AKAP19: variants seen among roughly 807,000 people sequenced by gnomAD.
AKAP19 encodes the protein A-kinase anchoring protein 19.
At chr2:190,143,393 T>C in the AKAP19 span, among the ~76,000 whole-genome samples, 2 of 151,718 alleles carry the variant, frequency 1.3e-5, 1 homozygote, top group Admixed American at 1.3e-4. Flanking sequence ...ACCTTCAAGC[T>C]CCTAGTCATC....
the AKAP19 span, among the ~76,000 whole-genome samples, chr2:189,880,639 T>C: frequency 6.6e-6 from 1 of 152,236 alleles, no homozygotes; most frequent in South Asian, 2.1e-4. Context: ...TATCTGTAGC[T>C]ATCTGCTTAG....
chr2:189,935,417 T>C, the AKAP19 span, among the ~76,000 whole-genome samples: 1 of 152,064 alleles, frequency 6.6e-6, no homozygotes, highest in Non-Finnish European at 1.5e-5. Context: ...TTAAATATTT[T>C]CTTCATTTTG....
the AKAP19 span, chr2:189,923,769 G>A: frequency 1.9e-5 from 31 of 1,613,370 alleles, no homozygotes; most frequent in Non-Finnish European, 2.5e-5. Context: ...CCCTCGAAAC[G>A]TCAGCGTGTA....
the AKAP19 span, among the ~76,000 whole-genome samples, chr2:189,971,634 CT>C: frequency 6.6e-6 from 1 of 152,162 alleles, no homozygotes; most frequent in South Asian, 2.1e-4. Context: ...TCCACATCCT[CT>C]CCAGCACCTG....
the AKAP19 span, among the ~76,000 whole-genome samples, chr2:190,175,257 A>G: frequency 5.3e-5 from 8 of 152,346 alleles, no homozygotes; most frequent in South Asian, 8.3e-4. Context: ...CAGATCTTGT[A>G]TAGGAAGATG....
chr2:190,056,563 T>G, the AKAP19 span: 13 of 152,524 alleles, frequency 8.5e-5, no homozygotes, highest in Non-Finnish European at 1.6e-4. Context: ...CTTCTTACAT[T>G]AAAGAAAATC....
At chr2:190,109,696 C>A in the AKAP19 span, among the ~76,000 whole-genome samples, 1 of 152,180 alleles carries the variant, frequency 6.6e-6, no homozygotes, top group Admixed American at 6.5e-5. Flanking sequence ...TCGCTATTGC[C>A]TATCTCAGGA....
chr2:190,146,613 C>T, the AKAP19 span, among the ~76,000 whole-genome samples: 1 of 152,222 alleles, frequency 6.6e-6, no homozygotes, highest in African/African-American at 2.4e-5. Context: ...TTTACATTCC[C>T]ATCAGCAATG....
chr2:189,941,312 A>T, the AKAP19 span, among the ~76,000 whole-genome samples: 1 of 152,216 alleles, frequency 6.6e-6, no homozygotes. Flanking sequence ...AATTAAATAC[A>T]CAGACAAACT....
chr2:189,913,969 A>G, the AKAP19 span, among the ~76,000 whole-genome samples: 29 of 152,218 alleles, frequency 1.9e-4, 1 homozygote, highest in Admixed American at 1.5e-3. Context: ...AGAATATTCC[A>G]TACGGAAATG....
At chr2:190,010,668 A>G in the AKAP19 span, among the ~76,000 whole-genome samples, 3 of 152,284 alleles carry the variant, frequency 2.0e-5, no homozygotes, top group African/African-American at 4.8e-5. Context: ...TCAGTCCTCT[A>G]TTGTCACAGA....
the AKAP19 span, among the ~76,000 whole-genome samples, chr2:190,045,069 A>G: frequency 6.6e-6 from 1 of 152,174 alleles, no homozygotes; most frequent in African/African-American, 2.4e-5. Context: ...TCACTCAAAC[A>G]GCAAACATGG....
chr2:190,005,587 GCTCTGTTGC>G, the AKAP19 span, among the ~76,000 whole-genome samples: 1 of 152,174 alleles, frequency 6.6e-6, no homozygotes, highest in Non-Finnish European at 1.5e-5. Context: ...TCTCTACAGA[GCTCTGTTGC>G]ATTGCAGTCT....
chr2:190,140,731 T>G, the AKAP19 span, among the ~76,000 whole-genome samples: 1 of 152,192 alleles, frequency 6.6e-6, no homozygotes, highest in East Asian at 1.9e-4. Context: ...GGGGCTGCTG[T>G]GAAGGTCTCT....
the AKAP19 span, among the ~76,000 whole-genome samples, chr2:190,121,367 C>A: frequency 6.6e-6 from 1 of 152,090 alleles, no homozygotes; most frequent in African/African-American, 2.4e-5. Context: ...CCTGCCTTGG[C>A]CTCCCAAAGT....
At chr2:190,046,833 C>A in the AKAP19 span, among the ~76,000 whole-genome samples, 6 of 152,070 alleles carry the variant, frequency 3.9e-5, no homozygotes, top group Non-Finnish European at 8.8e-5. Flanking sequence ...CTGTCAGCTT[C>A]TATTATATCC....
the AKAP19 span, among the ~76,000 whole-genome samples, chr2:189,971,150 C>A: frequency 6.6e-6 from 1 of 152,260 alleles, no homozygotes; most frequent in Middle Eastern, 3.4e-3. Context: ...AACCCCACGA[C>A]AGGCCCCAGT....
At chr2:190,119,530 G>A in the AKAP19 span, among the ~76,000 whole-genome samples, 373 of 152,320 alleles carry the variant, frequency 2.4e-3, 2 homozygotes, top group Admixed American at 3.9e-3. Context: ...ACATGTGGGG[G>A]CAAGGGCAAG....
chr2:190,068,982 G>A, the AKAP19 span, among the ~76,000 whole-genome samples: 1 of 152,062 alleles, frequency 6.6e-6, no homozygotes, highest in Non-Finnish European at 1.5e-5. Flanking sequence ...TCTTAACAGG[G>A]ACCATACTAG....
Sources: gnomAD v4.1 joint callset for allele counts (sites outside exome capture counted in the v4.1 genomes callset) on GRCh38, gnomAD v4.1.1 for gene constraint, MANE v1.5 for transcripts, NCBI Gene and HGNC (gene_info 2026-07-23, HGNC 2026-07-21) for gene names.